Variants in PTGFR observed in about 807,000 individuals in gnomAD.
PTGFR encodes the protein prostaglandin F2-alpha receptor.
PTGFR carries 15 observed loss-of-function variants against 26.2 expected under a neutral mutation model. The ratio of observed to expected loss-of-function variants is 0.57; its 90% confidence interval spans 0.38 to 0.88. The LOEUF is 0.88. Among genes scored for constraint, PTGFR ranks in the 40% least tolerant of loss-of-function variants. PTGFR has a pLI of 0.00. For synonymous variants in PTGFR, 165 were observed against 151.1 expected (o/e 1.09, Z -0.68); for missense variants, 369 against 427.2 (o/e 0.86, Z 1.20).
chr1:78,524,906 ATTTTTTTTTTTTTTTTT>A (rs35641651), intron 2 of PTGFR, among the ~76,000 whole-genome samples: 27 of 70,522 alleles, frequency 3.8e-4, no homozygotes, highest in African/African-American at 1.0e-3. Context: ...CAAATGCAAG[ATTTTTTTTTTTTTTTTT>A]TTTTTTTTTT....
At position 78,493,551 on chromosome 1, in the gene PTGFR, T is replaced by C. The variant is rs537746350; in HGVS notation, c.798+10T>C. 4.0e-6 allele frequency: 6 copies of C among 1,517,690 alleles called. No homozygotes were observed. The South Asian group carries it at 5.4e-5, about 14-fold the overall frequency. The allele number at this position is 1,517,690 out of a possible 1,614,324, so 94.0% of individuals were successfully genotyped here. A position where few individuals can be genotyped will look rare whatever the true frequency, so the allele number is the denominator to read the frequency against. On this transcript the variant is annotated intron_variant, in intron 2 of 2. Transcript: ENST00000370757. The stretch of plus-strand genomic sequence containing the variant: ...TTGGAGCCCATTTCTGGTAAGAGCC[T>C]GAAGTTTTGACTTCTGCTTTCTTGG...
At chr1:78,532,367 TATATATATA>T (rs1557659402) in intron 2 of PTGFR, 2 of 88,630 alleles carry the variant, frequency 2.3e-5, no homozygotes, top group African/African-American at 2.1e-4. Flanking sequence ...AATTCATTTA[TATATATATA>T]TATATATATA....
chr1:78,493,100 T>C lies in PTGFR; in HGVS notation c.357T>C (p.Gly119=). 1 of 1,614,250 alleles carries C rather than the reference T, an allele frequency of 6.2e-7. No homozygotes were observed. Among genetic ancestry groups the C allele is most frequent in the Non-Finnish European group, 8.5e-7 (1 of 1,180,036 alleles). The part of the protein sequence containing the change: ...SIFGICMVFS[G]LCPLLLGSVM... The stretch of plus-strand genomic sequence containing the variant: ...TTGGTATCTGCATGGTGTTTTCTGG[T>C]CTGTGCCCACTTCTTCTAGGCAGTG... Residue 119 remains glycine (G), a synonymous_variant, in exon 2 of 3, where the codon GGT becomes GGC. Transcript: ENST00000370757.
chr1:78,523,206 T>G (rs1309646377), intron 2 of PTGFR, among the ~76,000 whole-genome samples: 1 of 152,064 alleles, frequency 6.6e-6, no homozygotes, highest in Non-Finnish European at 1.5e-5. Context: ...ACACTATTTT[T>G]ATTTGATTCC....
rs774630785 is a variant in PTGFR at position 78,508,601 on chromosome 1, G to C, written c.798+15060G>C. ...ATTCATGTGGTTCAAACTCTCCCCTGACTTCTATCTCTGATCCACTCTCAA... is the reference window on the plus strand; with the variant it reads ...ATTCATGTGGTTCAAACTCTCCCCTCACTTCTATCTCTGATCCACTCTCAA... On this transcript the variant is annotated intron_variant, in intron 2 of 2. Coordinates refer to ENST00000370757, the MANE Select transcript of PTGFR (RefSeq NM_000959.4). Among the ~76,000 whole-genome samples, 26 of 152,188 alleles carry C rather than the reference G, an allele frequency of 1.7e-4. 1 individual carries two copies. Among genetic ancestry groups the C allele is most frequent in the Non-Finnish European group, 3.5e-4 (24 of 67,992 alleles).
chr1:78,537,487 G>T lies in PTGFR; in HGVS notation c.*800G>T, dbSNP rs1484697146. The stretch of plus-strand genomic sequence containing the variant: ...TTGATGGGCAACTAGAATTACAGCA[G>T]TTTCAAAACTCTACCATGGATAATG... On this transcript the variant is annotated 3_prime_UTR_variant, in exon 3 of 3. Transcript: ENST00000370757. 6.6e-6 allele frequency: 1 copy of T among 152,102 alleles called. No individual in the cohort carries two copies. Among genetic ancestry groups the T allele is most frequent in the Non-Finnish European group, 1.5e-5 (1 of 68,018 alleles). 9.4% of individuals were successfully genotyped at this position (152,102 alleles called of 1,614,324 possible). A position where few individuals can be genotyped will look rare whatever the true frequency, so the allele number is the denominator to read the frequency against.
rs547319970 is a variant in PTGFR at position 78,538,314 on chromosome 1, T to C, written c.*1627T>C. ...CCAGGATCCTTCTCCTTGAGGCTTC[T>C]AAATAAATGGCAGAATTCTTGCTGT... On this transcript the variant is annotated 3_prime_UTR_variant, in exon 3 of 3. Transcript: ENST00000370757. 4 of 152,072 alleles carry C rather than the reference T, an allele frequency of 2.6e-5. No homozygotes were observed. The highest frequency in any genetic ancestry group is 5.9e-5 in the Non-Finnish European group (4 of 67,996). The allele number at this position is 152,072 out of a possible 1,614,324, so 9.4% of individuals were successfully genotyped here.
chr1:78,494,760 C>A (rs928201903), intron 2 of PTGFR, among the ~76,000 whole-genome samples: 3 of 152,154 alleles, frequency 2.0e-5, no homozygotes, highest in Non-Finnish European at 4.4e-5. Flanking sequence ...CGTGTGGCAC[C>A]AAACCCGGCT....
intron 2 of PTGFR, among the ~76,000 whole-genome samples, chr1:78,517,462 C>T (rs1650117494): frequency 6.6e-6 from 1 of 152,032 alleles, no homozygotes; most frequent in Non-Finnish European, 1.5e-5. Flanking sequence ...GGGAATGGGG[C>T]TATTTTAGAT....
At chr1:78,492,369 G>A (rs1388513484) in intron 1 of PTGFR, among the ~76,000 whole-genome samples, 1 of 152,168 alleles carries the variant, frequency 6.6e-6, no homozygotes, top group East Asian at 1.9e-4. Context: ...TAGCGATTTT[G>A]TAAAATTTGA....
intron 2 of PTGFR, among the ~76,000 whole-genome samples, chr1:78,511,392 G>C (rs1228954429): frequency 6.6e-6 from 1 of 152,244 alleles, no homozygotes; most frequent in African/African-American, 2.4e-5. Flanking sequence ...TTAATACCAT[G>C]TGGAAAATGC....
At chr1:78,501,754 A>G (rs1026255841) in intron 2 of PTGFR, among the ~76,000 whole-genome samples, 2 of 152,142 alleles carry the variant, frequency 1.3e-5, no homozygotes, top group African/African-American at 4.8e-5. Context: ...GGGGAGCATG[A>G]ATCTCAGCCT....
intron 2 of PTGFR, among the ~76,000 whole-genome samples, chr1:78,504,387 C>T (rs865832762): frequency 6.6e-6 from 1 of 152,018 alleles, no homozygotes; most frequent in Non-Finnish European, 1.5e-5. Flanking sequence ...AGTTGTTGGG[C>T]ATTATCCCTT....
chr1:78,536,371 G>C (rs1002617358), intron 2 of PTGFR, 35 bp from the exon 3 acceptor site: 9 of 1,572,106 alleles, frequency 5.7e-6, no homozygotes, highest in Non-Finnish European at 6.9e-6. Context: ...TGAAAAGGCT[G>C]CATCAACTAA....
intron 2 of PTGFR, among the ~76,000 whole-genome samples, chr1:78,508,283 C>G (rs59958761): frequency 6.6e-6 from 1 of 152,028 alleles, no homozygotes; most frequent in Non-Finnish European, 1.5e-5. Context: ...CAAAAATTGC[C>G]TAGACAGATT....
At chr1:78,534,616 T>C (rs146998535) in intron 2 of PTGFR, among the ~76,000 whole-genome samples, 167 of 152,284 alleles carry the variant, frequency 1.1e-3, no homozygotes, top group African/African-American at 3.7e-3. Flanking sequence ...AAAGTCTCTG[T>C]AGTTCTGCTC....
intron 2 of PTGFR, among the ~76,000 whole-genome samples, chr1:78,518,399 T>C (rs1465878504): frequency 6.6e-6 from 1 of 152,100 alleles, no homozygotes; most frequent in East Asian, 1.9e-4. Context: ...TTTTTGGCTT[T>C]GGTTTTGCAC....
chr1:78,533,874 C>A (rs187942363), intron 2 of PTGFR, among the ~76,000 whole-genome samples: 3 of 152,194 alleles, frequency 2.0e-5, no homozygotes, highest in Admixed American at 2.0e-4. Context: ...TTTTACGTGG[C>A]CCAAATGAAT....
intron 2 of PTGFR, among the ~76,000 whole-genome samples, chr1:78,514,603 G>A (rs747534758): frequency 7.9e-5 from 12 of 151,994 alleles, no homozygotes; most frequent in Admixed American, 3.9e-4. Context: ...GGACTATTGC[G>A]AAGGCTTGAC....
Sources: allele counts gnomAD v4.1 joint callset (sites outside exome capture counted in the v4.1 genomes callset), GRCh38; gene constraint gnomAD v4.1.1; transcripts MANE v1.5; gene names NCBI Gene and HGNC (gene_info 2026-07-23, HGNC 2026-07-21).